CNTNAP4: variants seen among roughly 807,000 people sequenced by gnomAD.
CNTNAP4 encodes contactin associated protein family member 4.
Under a neutral mutation model 148.4 loss-of-function variants are expected in CNTNAP4, and 98 were observed. That is an observed-to-expected ratio of 0.66 (90% confidence interval 0.56 to 0.78). The LOEUF (loss-of-function observed/expected upper bound fraction) is 0.78. Ranked by LOEUF, CNTNAP4 falls within the 30% of genes least tolerant of loss-of-function variation. CNTNAP4 has a pLI of 0.00. For synonymous variants in CNTNAP4, 730 were observed against 565.1 expected, an observed-to-expected ratio of 1.29 and a Z score of -4.14; for missense variants, 1,935 against 1,565.6, an observed-to-expected ratio of 1.24 and a Z score of -3.98.
At position 76,520,867 on chromosome 16, in the gene CNTNAP4, G is replaced by T. The variant is rs182977363; in HGVS notation, c.2366-273G>T. ...TATACTATTGAGGCTGAGGATATTTGTTCCGTATAAAATATAACATTTAGA... is the reference window on the plus strand; with the variant it reads ...TATACTATTGAGGCTGAGGATATTTTTTCCGTATAAAATATAACATTTAGA... On this transcript the variant is annotated intron_variant, in intron 15 of 23. Transcript: ENST00000611870. Among the ~76,000 whole-genome samples, 539 of 152,184 alleles carry T rather than the reference G, an allele frequency of 3.5e-3. 9 individuals carry two copies. The highest frequency in any genetic ancestry group is 3.1e-3 in the Non-Finnish European group (211 of 67,974).
rs1302434956 is a variant in CNTNAP4 at position 76,300,219 on chromosome 16, T to C, written c.86-16194T>C. On this transcript the variant is annotated intron_variant, in intron 1 of 23. Coordinates refer to ENST00000611870, the MANE Select transcript of CNTNAP4 (RefSeq NM_033401.5). ...ATATCACTGATGTACTTTTAAAGAA[T>C]ATCACTTTTAAAGAGAACACATTCC... 3.3e-5 allele frequency among the ~76,000 whole-genome samples: 5 copies of C among 152,168 alleles called. 1 individual carries two copies. The highest frequency in any genetic ancestry group is 2.6e-4 in the Admixed American group (4 of 15,268).
At chr16:76,360,962 G>T (rs2013356630) in intron 3 of CNTNAP4, among the ~76,000 whole-genome samples, 1 of 151,254 alleles carries the variant, frequency 6.6e-6, no homozygotes, top group African/African-American at 2.4e-5. Context: ...AACTACAGGC[G>T]CCTGCCTCCA....
At chr16:76,499,128 C>T (rs891557704) in intron 15 of CNTNAP4, among the ~76,000 whole-genome samples, 2 of 147,892 alleles carry the variant, frequency 1.4e-5, no homozygotes, top group African/African-American at 2.5e-5. Flanking sequence ...AGTGCAGTGG[C>T]GCGATGTTGG....
chr16:76,496,482 G>A (rs1465338511), intron 14 of CNTNAP4, among the ~76,000 whole-genome samples: 2 of 151,874 alleles, frequency 1.3e-5, no homozygotes, highest in Non-Finnish European at 2.9e-5. Context: ...TGTAAATCCA[G>A]GAAAAAAATG....
chr16:76,558,651 G>T lies in CNTNAP4; in HGVS notation c.3895G>T (p.Val1299Phe). The change falls in exon 24 of 24, where the codon GTC becomes TTC. Residue 1299 changes from valine to phenylalanine, a missense_variant. Transcript: ENST00000611870. ...LKSELNIQNAVNENQKEYFF is the reference protein window; with the variant it reads ...LKSELNIQNAFNENQKEYFF ...AAGTGAGCTTAATATACAAAATGCAGTCAATGAAAATCAGAAAGAGTACTT... is the reference window on the plus strand; with the variant it reads ...AAGTGAGCTTAATATACAAAATGCATTCAATGAAAATCAGAAAGAGTACTT... 6.2e-7 allele frequency: 1 copy of T among 1,610,336 alleles called. No individual in the cohort carries two copies. The highest frequency in any genetic ancestry group is 2.2e-5 in the East Asian group (1 of 44,828).
intron 9 of CNTNAP4, among the ~76,000 whole-genome samples, chr16:76,466,820 C>A (rs1276011085): frequency 1.3e-5 from 2 of 151,922 alleles, no homozygotes; most frequent in Non-Finnish European, 2.9e-5. Context: ...GTATGTGGTT[C>A]CTTTATGTAT....
intron 3 of CNTNAP4, among the ~76,000 whole-genome samples, chr16:76,378,554 A>C (rs1439753513): frequency 1.3e-5 from 2 of 152,190 alleles, no homozygotes; most frequent in Non-Finnish European, 2.9e-5. Flanking sequence ...ATGACATGGA[A>C]GTTCTGGGTT....
intron 22 of CNTNAP4, 136 bp downstream of exon 22, chr16:76,553,637 C>T (rs1274434345): frequency 2.9e-6 from 2 of 696,954 alleles, no homozygotes; most frequent in East Asian, 2.7e-5. Flanking sequence ...GCTTTTAGTT[C>T]TCCTTCCCAT....
chr16:76,338,129 G>T (rs763204569), intron 2 of CNTNAP4, among the ~76,000 whole-genome samples: 1 of 152,172 alleles, frequency 6.6e-6, no homozygotes, highest in Non-Finnish European at 1.5e-5. Context: ...TAAGAGTATC[G>T]ATTGGGGAAG....
intron 3 of CNTNAP4, among the ~76,000 whole-genome samples, chr16:76,386,726 A>G (rs2016545647): frequency 6.6e-6 from 1 of 152,162 alleles, no homozygotes; most frequent in African/African-American, 2.4e-5. Flanking sequence ...GTTGGGACCT[A>G]TAGGTATGAT....
chr16:76,368,599 A>T (rs939361178), intron 3 of CNTNAP4, among the ~76,000 whole-genome samples: 1 of 152,160 alleles, frequency 6.6e-6, no homozygotes, highest in South Asian at 2.1e-4. Flanking sequence ...GCATGTTCTC[A>T]CTCATAAGTG....
chr16:76,478,583 A>G (rs1273279922), intron 11 of CNTNAP4, among the ~76,000 whole-genome samples: 2 of 152,214 alleles, frequency 1.3e-5, no homozygotes, highest in Admixed American at 6.5e-5. Context: ...TTCTCATTTC[A>G]CAGAATAAAA....
intron 13 of CNTNAP4, among the ~76,000 whole-genome samples, chr16:76,492,480 C>T (rs762616870): frequency 3.3e-5 from 5 of 151,934 alleles, no homozygotes; most frequent in Non-Finnish European, 7.4e-5. Flanking sequence ...GTAACAGAAC[C>T]AGAAAGCAAA....
intron 15 of CNTNAP4, among the ~76,000 whole-genome samples, chr16:76,510,406 G>A (rs559177629): frequency 1.3e-5 from 2 of 151,386 alleles, no homozygotes; most frequent in East Asian, 3.9e-4. Flanking sequence ...TCAGTTCATG[G>A]ACATTTGGGC....
chr16:76,522,728 T>G (rs1041828759), intron 17 of CNTNAP4, among the ~76,000 whole-genome samples: 1 of 88,766 alleles, frequency 1.1e-5, no homozygotes, highest in Non-Finnish European at 2.2e-5. Context: ...TTTCTTTTCT[T>G]TTCTTTTCTT....
chr16:76,277,786 C>A (rs1257671363), intron 1 of CNTNAP4, 39 bp downstream of exon 1: 2 of 1,267,492 alleles, frequency 1.6e-6, no homozygotes, highest in Non-Finnish European at 2.3e-6. Flanking sequence ...TGCTGGGGGG[C>A]TCTCTGCAAA....
intron 4 of CNTNAP4, among the ~76,000 whole-genome samples, chr16:76,433,164 G>A (rs920655731): frequency 1.3e-5 from 2 of 151,924 alleles, no homozygotes; most frequent in African/African-American, 4.8e-5. Context: ...TTAGTCTTCT[G>A]GATAAAGACT....
intron 2 of CNTNAP4, among the ~76,000 whole-genome samples, chr16:76,331,213 A>T (rs1222578386): frequency 6.6e-6 from 1 of 150,818 alleles, no homozygotes; most frequent in Non-Finnish European, 1.5e-5. Context: ...TTTTAGACAG[A>T]GTCTCGCTCT....
chr16:76,522,684 C>T (rs1173083254), intron 17 of CNTNAP4, among the ~76,000 whole-genome samples: 1,595 of 69,146 alleles, frequency 0.023, 179 homozygotes, highest in Middle Eastern at 0.079. Flanking sequence ...CTCTCTTTCT[C>T]TCCTTTCTTT....
Sources: gnomAD v4.1 joint callset for allele counts (sites outside exome capture counted in the v4.1 genomes callset) on GRCh38, gnomAD v4.1.1 for gene constraint, MANE v1.5 for transcripts, NCBI Gene and HGNC (gene_info 2026-07-23, HGNC 2026-07-21) for gene names.